The following DRC9 variants were observed in gnomAD, a reference collection of about 807,000 sequenced individuals.
The protein encoded by DRC9 is dynein regulatory complex protein 9.
the DRC9 span, chr3:197,906,640 T>C: frequency 6.6e-6 from 1 of 152,190 alleles, no homozygotes. Flanking sequence ...CCTGGGTAGT[T>C]TGCTTTCCCC....
chr3:197,940,931 T>C, the DRC9 span, among the ~76,000 whole-genome samples: 1 of 152,174 alleles, frequency 6.6e-6, no homozygotes, highest in Admixed American at 6.6e-5. Context: ...AAGATCACTA[T>C]GATAAACCAG....
the DRC9 span, among the ~76,000 whole-genome samples, chr3:197,902,033 G>C: frequency 6.6e-6 from 1 of 152,192 alleles, no homozygotes; most frequent in Non-Finnish European, 1.5e-5. Flanking sequence ...CAAAGAGTTA[G>C]AGACTCTGGG....
the DRC9 span, among the ~76,000 whole-genome samples, chr3:197,903,095 A>G: frequency 2.0e-5 from 3 of 152,204 alleles, no homozygotes; most frequent in Non-Finnish European, 4.4e-5. Context: ...AGTCCTTTCA[A>G]TGAATGGTGC....
chr3:197,946,392 G>A, the DRC9 span, among the ~76,000 whole-genome samples: 257 of 134,526 alleles, frequency 1.9e-3, 1 homozygote, highest in African/African-American at 7.3e-3. Context: ...CCGAGATCGC[G>A]CCACTGCACT....
the DRC9 span, chr3:197,943,912 G>A: frequency 3.7e-6 from 6 of 1,613,976 alleles, no homozygotes; most frequent in South Asian, 4.4e-5. Flanking sequence ...AGAGTTTCCG[G>A]GATTTCTGGG....
the DRC9 span, among the ~76,000 whole-genome samples, chr3:197,892,962 T>G: frequency 6.6e-6 from 1 of 152,242 alleles, no homozygotes; most frequent in East Asian, 1.9e-4. Context: ...GTAAATGTTC[T>G]CTGTATCTTT....
At chr3:197,948,545 C>T in the DRC9 span, among the ~76,000 whole-genome samples, 3 of 152,306 alleles carry the variant, frequency 2.0e-5, no homozygotes, top group East Asian at 3.9e-4. Flanking sequence ...CACGAGCAAA[C>T]GAATGAAACT....
At chr3:197,943,661 G>C in the DRC9 span, 3 of 934,002 alleles carry the variant, frequency 3.2e-6, no homozygotes, top group Non-Finnish European at 4.8e-6. Flanking sequence ...AAGAAACAAA[G>C]AAGGAAAGAG....
chr3:197,904,043 TATATACATAC>T, the DRC9 span, among the ~76,000 whole-genome samples: 13 of 106,100 alleles, frequency 1.2e-4, no homozygotes, highest in African/African-American at 3.6e-4. Flanking sequence ...TACATACATA[TATATACATAC>T]ATATATATAT....
the DRC9 span, among the ~76,000 whole-genome samples, chr3:197,933,560 GAATAA>G: frequency 6.6e-6 from 1 of 151,934 alleles, no homozygotes; most frequent in Non-Finnish European, 1.5e-5. Context: ...AAAGTATAAA[GAATAA>G]AATAATGAAT....
chr3:197,934,254 G>A, the DRC9 span, among the ~76,000 whole-genome samples: 2 of 142,096 alleles, frequency 1.4e-5, no homozygotes, highest in African/African-American at 2.7e-5. Context: ...GCACGATCTC[G>A]GCTCACTGCA....
the DRC9 span, among the ~76,000 whole-genome samples, chr3:197,910,649 A>T: frequency 1.1e-3 from 163 of 152,274 alleles, 1 homozygote; most frequent in African/African-American, 3.7e-3. Flanking sequence ...AAGCTGGAAA[A>T]TTTTCTCTTT....
the DRC9 span, among the ~76,000 whole-genome samples, chr3:197,929,395 G>A: frequency 6.6e-6 from 1 of 152,190 alleles, no homozygotes; most frequent in Non-Finnish European, 1.5e-5. This position sits in a 1 kb window ranked among gnomAD's most constrained non-coding sequence, Gnocchi z 4.6. Flanking sequence ...ACAGAGCAGA[G>A]CATCCATCAG....
the DRC9 span, chr3:197,950,144 G>A: frequency 1.6e-6 from 2 of 1,231,810 alleles, no homozygotes; most frequent in Non-Finnish European, 1.0e-6. Context: ...TGAGGGCGGA[G>A]TCGAAAGATG....
chr3:197,918,258 CTTTT>C, the DRC9 span, among the ~76,000 whole-genome samples: 4 of 60,314 alleles, frequency 6.6e-5, no homozygotes, highest in East Asian at 4.9e-4. Context: ...TAATTTTTTG[CTTTT>C]TTTTTTTTTT....
At chr3:197,922,264 T>C in the DRC9 span, among the ~76,000 whole-genome samples, 1 of 152,232 alleles carries the variant, frequency 6.6e-6, no homozygotes, top group Non-Finnish European at 1.5e-5. Context: ...ATTAAGAGGA[T>C]ACATCTCAGG....
the DRC9 span, among the ~76,000 whole-genome samples, chr3:197,900,887 G>T: frequency 6.6e-6 from 1 of 152,186 alleles, no homozygotes; most frequent in Non-Finnish European, 1.5e-5. The surrounding 1 kb of genome is among the most constrained non-coding windows in gnomAD (Gnocchi z 4.7). Context: ...GTCCTGGCAG[G>T]ATTCATCATC....
chr3:197,943,947 G>A, the DRC9 span: 2 of 1,614,126 alleles, frequency 1.2e-6, no homozygotes, highest in Non-Finnish European at 1.7e-6. Flanking sequence ...TGTTTCTTTA[G>A]GTATTCCTTC....
At chr3:197,909,887 G>A in the DRC9 span, among the ~76,000 whole-genome samples, 2 of 152,162 alleles carry the variant, frequency 1.3e-5, no homozygotes, top group African/African-American at 4.8e-5. Flanking sequence ...CAGCTACTCG[G>A]GAGGCTGGCA....
Sources: gnomAD v4.1 joint callset for allele counts (sites outside exome capture counted in the v4.1 genomes callset) on GRCh38, gnomAD v4.1.1 for gene constraint, Gnocchi (gnomAD v3.1) non-coding constraint, MANE v1.5 for transcripts, NCBI Gene and HGNC (gene_info 2026-07-23, HGNC 2026-07-21) for gene names.